POU2F1: variants seen among roughly 807,000 people sequenced by gnomAD.
The protein encoded by POU2F1 is POU class 2 homeobox 1, also known as POU domain, class 2, transcription factor 1.
POU2F1 carries 16 observed loss-of-function variants against 84.9 expected under a neutral mutation model. The ratio of observed to expected loss-of-function variants is 0.19; its 90% CI spans 0.13 to 0.29. POU2F1 has a LOEUF of 0.29. POU2F1 is among the 10% of genes least tolerant of loss of function. POU2F1 has a pLI of 1.00. For missense variants in POU2F1, 738 were observed against 942.6 expected (o/e 0.78, Z 2.84); for synonymous variants, 368 against 368.3 (o/e 1.00, Z 0.01).
chr1:167,337,877 A>G (rs952039950), intron 2 of POU2F1: 4 of 317,240 alleles, frequency 1.3e-5, no homozygotes, highest in African/African-American at 8.8e-5. Flanking sequence ...GGAATAGGCT[A>G]ACAGTACTGT....
Position 167,376,166 on chromosome 1 carries a change from C to A in POU2F1, c.718+11C>A, listed in dbSNP as rs1202299499. The A allele has an allele frequency of 1.9e-6, 3 of 1,613,936 alleles. No individual in the cohort carries two copies. Among genetic ancestry groups the A allele is most frequent in the Non-Finnish European group, 2.5e-6 (3 of 1,179,928 alleles). ...CCCAGGGCCAGCAGGGTGAGCTCCT[C>A]CTTAGAGCTTATTAGTGGTATACCA... is the stretch of plus-strand genomic sequence containing the variant. On this transcript the variant is annotated intron_variant, in intron 7 of 15. Transcript: ENST00000367866.
chr1:167,366,178 C>T (rs1277978436), intron 3 of POU2F1, among the ~76,000 whole-genome samples: 1 of 152,178 alleles, frequency 6.6e-6, no homozygotes, highest in Admixed American at 6.5e-5. Flanking sequence ...CAAACACTGG[C>T]TACTCAATAG....
intron 1 of POU2F1, among the ~76,000 whole-genome samples, chr1:167,323,378 TAG>T (rs1299549109): frequency 6.6e-5 from 10 of 152,206 alleles, no homozygotes; most frequent in African/African-American, 2.4e-4. Context: ...GCCAGATTGT[TAG>T]AGTGAACAGT....
chr1:167,379,243 G>T (rs1647336760), intron 7 of POU2F1: 1 of 152,184 alleles, frequency 6.6e-6, no homozygotes, highest in Admixed American at 6.5e-5. Context: ...TCACTTAGAG[G>T]AGTCTAATGT....
At chr1:167,306,377 A>C (rs143731944) in intron 1 of POU2F1, among the ~76,000 whole-genome samples, 1 of 152,218 alleles carries the variant, frequency 6.6e-6, no homozygotes, top group Admixed American at 6.5e-5. Context: ...AAAAGCATGG[A>C]AATACTCAAG....
chr1:167,387,114 A>G (rs373379591), intron 8 of POU2F1: 4 of 455,534 alleles, frequency 8.8e-6, no homozygotes, highest in East Asian at 6.9e-5. Context: ...TTCTCTGCAT[A>G]TGGTGGCAGG....
chr1:167,378,455 G>GGAGT (rs1660480015), intron 7 of POU2F1, among the ~76,000 whole-genome samples: 1 of 147,122 alleles, frequency 6.8e-6, no homozygotes, highest in South Asian at 2.1e-4. Flanking sequence ...TGCCCAGGCT[G>GGAGT]GAGTGCAGCA....
At chr1:167,354,271 C>T (rs1027111419) in intron 2 of POU2F1, among the ~76,000 whole-genome samples, 5 of 151,884 alleles carry the variant, frequency 3.3e-5, no homozygotes, top group African/African-American at 1.2e-4. Context: ...GAAAAAGTCC[C>T]CAGAGTATTT....
intron 2 of POU2F1, among the ~76,000 whole-genome samples, chr1:167,362,597 G>A (rs1358673500): frequency 6.6e-6 from 1 of 152,074 alleles, no homozygotes; most frequent in Non-Finnish European, 1.5e-5. Context: ...TTGCAGCCTC[G>A]AGCTCCTAGG....
chr1:167,412,613 A>G (rs1053103303), intron 14 of POU2F1, among the ~76,000 whole-genome samples: 1 of 152,182 alleles, frequency 6.6e-6, no homozygotes, highest in African/African-American at 2.4e-5. Flanking sequence ...TATTTTCCCC[A>G]TTAAACTCTC....
intron 1 of POU2F1, among the ~76,000 whole-genome samples, chr1:167,298,140 A>G (rs1199949876): frequency 1.3e-5 from 2 of 152,040 alleles, no homozygotes; most frequent in Non-Finnish European, 2.9e-5. Flanking sequence ...AAACAACAAC[A>G]ACAACAACAA....
At chr1:167,386,050 A>G (rs1647947736) in intron 8 of POU2F1, among the ~76,000 whole-genome samples, 1 of 152,254 alleles carries the variant, frequency 6.6e-6, no homozygotes, top group Admixed American at 6.5e-5. Flanking sequence ...ATATCACTAC[A>G]CAGTCACTAG....
intron 12 of POU2F1, among the ~76,000 whole-genome samples, chr1:167,400,724 G>C (rs1243984124): frequency 2.0e-5 from 3 of 152,210 alleles, no homozygotes; most frequent in African/African-American, 7.2e-5. Flanking sequence ...GGATTCAAAA[G>C]ATGGGAATAT....
chr1:167,269,681 G>C (rs1393527456), intron 1 of POU2F1, among the ~76,000 whole-genome samples: 2 of 152,208 alleles, frequency 1.3e-5, no homozygotes. Context: ...GGGAGGCCGT[G>C]GTGGGCAGAT....
chr1:167,310,790 T>C (rs1655416163), intron 1 of POU2F1, among the ~76,000 whole-genome samples: 1 of 151,906 alleles, frequency 6.6e-6, no homozygotes, highest in Non-Finnish European at 1.5e-5. Flanking sequence ...AGCAAAGAAA[T>C]AGGCCTCAGT....
chr1:167,427,246 C>G lies in POU2F1; in HGVS notation c.*11436C>G, dbSNP rs1651014439. ...GTAGATTTTGTGTAGATGCATTTGT[C>G]TGCTGTAATTTTTTATATATATATT... is the stretch of plus-strand genomic sequence containing the variant. On this transcript the variant is annotated 3_prime_UTR_variant, in exon 16 of 16. Coordinates refer to ENST00000367866, the MANE Select transcript of POU2F1 (RefSeq NM_002697.4). 1 of 151,590 alleles carries G rather than the reference C, an allele frequency of 6.6e-6. No homozygotes were observed. The highest frequency in any genetic ancestry group is 1.5e-5 in the Non-Finnish European group (1 of 67,874). The allele number at this position is 151,590 out of a possible 1,614,324, so 9.4% of individuals were successfully genotyped here. A position where few individuals can be genotyped will look rare whatever the true frequency, so the allele number is the denominator to read the frequency against.
chr1:167,268,222 A>G (rs139511161), intron 1 of POU2F1, among the ~76,000 whole-genome samples: 182 of 152,354 alleles, frequency 1.2e-3, no homozygotes, highest in Middle Eastern at 0.01. Context: ...ATTATATTTT[A>G]TACCTTATTT....
chr1:167,269,685 G>A (rs1034840513), intron 1 of POU2F1, among the ~76,000 whole-genome samples: 1 of 152,210 alleles, frequency 6.6e-6, no homozygotes, highest in Non-Finnish European at 1.5e-5. Context: ...GGCCGTGGTG[G>A]GCAGATCACC....
chr1:167,375,997 CTCCAA>C (rs1015251188), intron 6 of POU2F1, 27 bp from the exon 7 acceptor site: 1 of 1,612,792 alleles, frequency 6.2e-7, no homozygotes, highest in African/African-American at 1.3e-5. Flanking sequence ...ATTTCAGAAT[CTCCAA>C]TCCATGTTTT....
Sources: allele counts gnomAD v4.1 joint callset (sites outside exome capture counted in the v4.1 genomes callset), GRCh38; gene constraint gnomAD v4.1.1; transcripts MANE v1.5; gene names NCBI Gene and HGNC (gene_info 2026-07-23, HGNC 2026-07-21).